The following RUBCNL variants were observed in gnomAD, a reference collection of about 807,000 sequenced individuals.
The protein encoded by RUBCNL is rubicon like autophagy enhancer.
Under a neutral mutation model 69.5 loss-of-function variants are expected in RUBCNL, and 62 were observed. The observed-to-expected ratio is 0.89, with a 90% CI of 0.73 to 1.10. The LOEUF is 1.10. Ranked by LOEUF, RUBCNL falls within the 50% of genes least tolerant of loss-of-function variation. The pLI, the probability that RUBCNL is intolerant of heterozygous loss-of-function variation, is 0.00. For synonymous variants in RUBCNL, 291 were observed against 303.6 expected (o/e 0.96, Z 0.43); for missense variants, 768 against 798.1 (o/e 0.96, Z 0.45).
chr13:46,347,837 CA>C (rs1200814093), intron 12 of RUBCNL, among the ~76,000 whole-genome samples: 2 of 151,952 alleles, frequency 1.3e-5, no homozygotes, highest in African/African-American at 4.8e-5. Flanking sequence ...TAAAAACACA[CA>C]AAAAATTAGC....
Position 46,375,354 on chromosome 13 carries a change from G to A in RUBCNL, c.-123+2536C>T, listed in dbSNP as rs374791676. 1.4e-4 allele frequency among the ~76,000 whole-genome samples: 22 copies of A among 152,140 alleles called. No individual in the cohort carries two copies. The East Asian group carries it at 1.5e-3, about 11-fold the overall frequency. ...TCGAGACCAGCCTGACCAACATGGC[G>A]AAACCCCATCTCTACTAAAAATACA... On this transcript the variant is annotated intron_variant, in intron 2 of 14. Coordinates refer to ENST00000429979, the MANE Select transcript of RUBCNL (RefSeq NM_025113.5).
intron 1 of RUBCNL, among the ~76,000 whole-genome samples, chr13:46,384,834 T>G (rs1245716962): frequency 1.3e-5 from 2 of 152,196 alleles, no homozygotes; most frequent in African/African-American, 2.4e-5. Flanking sequence ...AAGGATTCAT[T>G]CAATGTAGAA....
chr13:46,378,006 C>T lies in RUBCNL; in HGVS notation c.-238-1G>A, dbSNP rs972136449. 1.5e-5 allele frequency: 23 copies of T among 1,521,200 alleles called. No individual in the cohort carries two copies. Among genetic ancestry groups the T allele is most frequent in the Non-Finnish European group, 1.9e-5 (22 of 1,130,912 alleles). 94.2% of individuals were successfully genotyped at this position (1,521,200 alleles called of 1,614,324 possible). A position where few individuals can be genotyped will look rare whatever the true frequency, so the allele number is the denominator to read the frequency against. ...TCAATATCCCCATTTTTTATTTTAT[C>T]TGTAAGGCAAAAAACAATTTGCCAG... is the stretch of plus-strand genomic sequence containing the variant. On this transcript the variant is annotated splice_acceptor_variant, in intron 1 of 14. Transcript: ENST00000429979. LOFTEE classifies it low-confidence loss of function (5UTR_SPLICE).
At position 46,335,965 on chromosome 13, in the gene RUBCNL, A is replaced by C. The variant is rs1464406087; in HGVS notation, c.*7420T>G. Among the ~76,000 whole-genome samples the C allele has an allele frequency of 1.3e-5, 2 of 152,214 alleles. No individual in the cohort carries two copies. Among genetic ancestry groups the C allele is most frequent in the African/African-American group, 2.4e-5 (1 of 41,458 alleles). ...AGACCATCCCAAGAGAAGAAAAGAG[A>C]TGGCAAAACTGAGCCCTGGAATCTC... On this transcript the variant is annotated 3_prime_UTR_variant, in exon 15 of 15. Transcript: ENST00000429979.
At chr13:46,376,836 C>T (rs1449930065) in intron 2 of RUBCNL, among the ~76,000 whole-genome samples, 1 of 152,206 alleles carries the variant, frequency 6.6e-6, no homozygotes, top group Non-Finnish European at 1.5e-5. Context: ...AGATATTTTA[C>T]AACTTATCTT....
In RUBCNL at chr13:46,350,158, G is replaced by A. The variant is rs779785782; in HGVS notation, c.1524C>T (p.Ile508=). Residue 508 remains isoleucine, a synonymous_variant, in exon 11 of 15, where the codon ATC becomes ATT. Transcript: ENST00000429979. ...WHQPIFNLLS[I]GQSLYAKAKE... is the part of the protein sequence containing the mutation. Reference sequence around the variant, plus strand: ...TGGCTTTCGCATACAGGCTTTGGCCGATGCTCAGCAAATTGAAAATGGGCT... The same window carrying A: ...TGGCTTTCGCATACAGGCTTTGGCCAATGCTCAGCAAATTGAAAATGGGCT... The A allele has an allele frequency of 2.0e-5, 31 of 1,582,914 alleles. No individual in the cohort carries two copies. The highest frequency in any genetic ancestry group is 2.4e-5 in the Non-Finnish European group (28 of 1,163,980).
At position 46,335,242 on chromosome 13, in the gene RUBCNL, T is replaced by TTTTTTTG. The variant is rs1555333093; in HGVS notation, c.*8142_*8143insCAAAAAA. 4.2e-5 allele frequency among the ~76,000 whole-genome samples: 6 copies of TTTTTTTG among 142,166 alleles called. No homozygotes were observed. The highest frequency in any genetic ancestry group is 1.6e-4 in the African/African-American group (6 of 36,726). The allele number at this position is 142,166 out of a possible 152,430, so 93.3% of individuals were successfully genotyped here. A position where few individuals can be genotyped will look rare whatever the true frequency, so the allele number is the denominator to read the frequency against. The stretch of plus-strand genomic sequence containing the variant: ...ATTGTGCCCAGCTAATTTGTGTCTT[T>TTTTTTTG]TTGTTGTTGTTGTTGTTGTTTTTTT... On this transcript the variant is annotated 3_prime_UTR_variant, in exon 15 of 15. Coordinates refer to ENST00000429979, the MANE Select transcript of RUBCNL (RefSeq NM_025113.5).
chr13:46,335,134 G>T lies in RUBCNL; in HGVS notation c.*8251C>A, dbSNP rs1229809487. Among the ~76,000 whole-genome samples the T allele has an allele frequency of 6.6e-6, 1 of 151,706 alleles. No homozygotes were observed. Among genetic ancestry groups the T allele is most frequent in the African/African-American group, 2.4e-5 (1 of 41,272 alleles). On this transcript the variant is annotated 3_prime_UTR_variant, in exon 15 of 15. Coordinates refer to ENST00000429979, the MANE Select transcript of RUBCNL (RefSeq NM_025113.5). ...GGCTGGAATGCAGTGGCGGGATCATGCCTCACTACAGCCTCAAACTCCTGG... is the reference window on the plus strand; with the variant it reads ...GGCTGGAATGCAGTGGCGGGATCATTCCTCACTACAGCCTCAAACTCCTGG...
In RUBCNL at chr13:46,342,271, G is replaced by A. The variant is rs2048153899; in HGVS notation, c.*1114C>T. The stretch of plus-strand genomic sequence containing the variant: ...ATCTGTGACGCTTTATTGCCTGCCT[G>A]TGCTGTCTGAGAAAATCAAGGTAGG... On this transcript the variant is annotated 3_prime_UTR_variant, in exon 15 of 15. Transcript: ENST00000429979. The A allele has an allele frequency of 6.6e-6, 1 of 152,238 alleles. No individual in the cohort carries two copies. The highest frequency in any genetic ancestry group is 2.4e-5 in the African/African-American group (1 of 41,446). 9.4% of individuals were successfully genotyped at this position (152,238 alleles called of 1,614,324 possible).
chr13:46,372,104 A>C lies in RUBCNL; in HGVS notation c.372T>G (p.Ser124Arg). ...SASPHGSSEKSSSFSLSSTEV... is the reference protein window; with the variant it reads ...SASPHGSSEKRSSFSLSSTEV... The stretch of plus-strand genomic sequence containing the variant: ...CTGTTGAGGACAGAGAGAAGCTGCT[A>C]CTCTTTTCACTCGAGCCATGGGGAG... Residue 124 changes from serine to arginine, a missense_variant, in exon 3 of 15, where the codon AGT (serine) becomes AGG (arginine). Transcript: ENST00000429979. 6.2e-7 allele frequency: 1 copy of C among 1,613,764 alleles called. No individual in the cohort carries two copies. Among genetic ancestry groups the C allele is most frequent in the Non-Finnish European group, 8.5e-7 (1 of 1,179,846 alleles).
chr13:46,383,137 A>C (rs191412283), intron 1 of RUBCNL, among the ~76,000 whole-genome samples: 1 of 152,198 alleles, frequency 6.6e-6, no homozygotes, highest in Non-Finnish European at 1.5e-5. Flanking sequence ...TGTTCATTGT[A>C]CTATTCTATG....
In RUBCNL at chr13:46,345,692, C is replaced by A; in HGVS notation, c.1632-92G>T. 6 of 1,290,650 alleles carry A rather than the reference C, an allele frequency of 4.6e-6. No individual in the cohort carries two copies. The South Asian group carries it at 1.0e-4, about 22-fold the overall frequency. 79.9% of individuals were successfully genotyped at this position (1,290,650 alleles called of 1,614,324 possible). On this transcript the variant is annotated intron_variant, in intron 12 of 14. Transcript: ENST00000429979. ...CAGTTGTTTTCTCTTGGCACTCACA[C>A]TTAATTTTTTTTTAACTCAATTTAA...
chr13:46,336,773 T>C lies in RUBCNL; in HGVS notation c.*6612A>G, dbSNP rs1162487529. Among the ~76,000 whole-genome samples the C allele has an allele frequency of 2.0e-5, 3 of 152,104 alleles. No individual in the cohort carries two copies. The highest frequency in any genetic ancestry group is 2.1e-4 in the South Asian group (1 of 4,830). On this transcript the variant is annotated 3_prime_UTR_variant, in exon 15 of 15. Transcript: ENST00000429979. ...AGAGGTGTGGAAGCGATGGCAAACA[T>C]TAAAAACTGTTCTTTCAAAAATGTT...
chr13:46,366,181 G>A lies in RUBCNL; in HGVS notation c.826+1861C>T, dbSNP rs137997627. Among the ~76,000 whole-genome samples, 808 of 152,278 alleles carry A rather than the reference G, an allele frequency of 5.3e-3. 2 individuals carry two copies. Among genetic ancestry groups the A allele is most frequent in the Non-Finnish European group, 8.5e-3 (576 of 68,010 alleles). On this transcript the variant is annotated intron_variant, in intron 5 of 14. Transcript: ENST00000429979. ...ACTGGTAGCCTCAGAGGGCACGATC[G>A]TCCATATCAGATTTCCCCGCCCCCT... is the stretch of plus-strand genomic sequence containing the variant.
rs778790799 is a variant in RUBCNL at position 46,337,985 on chromosome 13, T to C, written c.*5400A>G. Among the ~76,000 whole-genome samples the C allele has an allele frequency of 2.6e-5, 4 of 152,090 alleles. No individual in the cohort carries two copies. The highest frequency in any genetic ancestry group is 2.9e-5 in the Non-Finnish European group (2 of 68,026). ...AGGGCAGATAGAAAGGATCAAAGGC[T>C]GCCAAAAGTTCAGAGAGCTGTCCCC... On this transcript the variant is annotated 3_prime_UTR_variant, in exon 15 of 15. Transcript: ENST00000429979.
At position 46,356,456 on chromosome 13, in the gene RUBCNL, C is replaced by T. The variant is rs779437381; in HGVS notation, c.1306G>A (p.Gly436Ser). Residue 436 changes from glycine to serine, a missense_variant, in exon 10 of 15, where the codon GGC becomes AGC. By Grantham distance (56) the Gly-to-Ser change is moderately conservative. Coordinates refer to ENST00000429979, the MANE Select transcript of RUBCNL (RefSeq NM_025113.5). Reference protein sequence around the residue: ...VVAAQNFFCAGCGTPVEPKFV... With the variant: ...VVAAQNFFCASCGTPVEPKFV... ...CTAGGCTCTACTGGAGTTCCACAGC[C>T]GGCACAGAAAAAATTCTGGGCTGCC... 67 of 1,613,720 alleles carry T rather than the reference C, an allele frequency of 4.2e-5. No individual in the cohort carries two copies. Among genetic ancestry groups the T allele is most frequent in the South Asian group, 2.2e-4 (20 of 91,070 alleles).
intron 1 of RUBCNL, chr13:46,385,391 T>C (rs910683857): frequency 4.4e-5 from 15 of 341,180 alleles, no homozygotes; most frequent in Non-Finnish European, 5.0e-5. Flanking sequence ...ACTACACTTA[T>C]AGTCTCTGGA....
At chr13:46,359,463 C>T in intron 9 of RUBCNL, 23 bp downstream of exon 9, 1 of 1,597,152 alleles carries the variant, frequency 6.3e-7, no homozygotes, top group Non-Finnish European at 8.5e-7. Flanking sequence ...GGATTGGAGG[C>T]CCAAGCAACA....
At chr13:46,366,864 G>A (rs375283472) in intron 5 of RUBCNL, among the ~76,000 whole-genome samples, 1 of 152,170 alleles carries the variant, frequency 6.6e-6, no homozygotes, top group Non-Finnish European at 1.5e-5. Flanking sequence ...AAGTCACCCA[G>A]AAATGAAGTA....
Sources: allele counts gnomAD v4.1 joint callset (sites outside exome capture counted in the v4.1 genomes callset), GRCh38; gene constraint gnomAD v4.1.1; transcripts MANE v1.5; gene names NCBI Gene and HGNC (gene_info 2026-07-23, HGNC 2026-07-21).